ALOX5: variants seen among roughly 807,000 people sequenced by gnomAD.
The protein encoded by ALOX5 is arachidonate 5-lipoxygenase, also known as polyunsaturated fatty acid 5-lipoxygenase.
A neutral mutation model predicts 87.9 loss-of-function variants in ALOX5; 64 were observed. The observed-to-expected ratio is 0.73, with a 90% CI of 0.60 to 0.90. ALOX5 has a LOEUF of 0.90. Among genes scored for constraint, ALOX5 ranks in the 40% least tolerant of loss-of-function variants. The probability of loss-of-function intolerance (pLI) is 0.00; values close to 1 mark genes in which losing one functional copy is unlikely to be tolerated. For synonymous variants in ALOX5, 388 were observed against 355.1 expected (o/e 1.09, Z -1.04); for missense variants, 822 against 907.5 (o/e 0.91, Z 1.21).
intron 3 of ALOX5, 23 bp from the exon 4 acceptor site, chr10:45,412,168 T>A (rs1211962779): frequency 6.2e-7 from 1 of 1,613,960 alleles, no homozygotes; most frequent in Non-Finnish European, 8.5e-7. Context: ...TTAACTCAAT[T>A]TCTTCTCCTT....
chr10:45,391,305 G>A (rs948429897), intron 2 of ALOX5, among the ~76,000 whole-genome samples: 1 of 152,218 alleles, frequency 6.6e-6, no homozygotes, highest in Admixed American at 6.5e-5. Flanking sequence ...GTGTTGGCCA[G>A]GCTGGTCTCC....
At chr10:45,431,149 C>T (rs575901335) in intron 7 of ALOX5, among the ~76,000 whole-genome samples, 36 of 152,224 alleles carry the variant, frequency 2.4e-4, no homozygotes, top group African/African-American at 7.9e-4. Context: ...AATTTAATAA[C>T]ATTTAATAGC....
At chr10:45,383,844 T>A (rs1311429403) in intron 2 of ALOX5, among the ~76,000 whole-genome samples, 1 of 152,184 alleles carries the variant, frequency 6.6e-6, no homozygotes, top group Non-Finnish European at 1.5e-5. Context: ...CAAAGTTCAT[T>A]TATTCCTGTG....
Position 45,443,812 on chromosome 10 carries a change from C to A in ALOX5, c.1658C>A (p.Ala553Glu), listed in dbSNP as rs1323694156. The A allele has an allele frequency of 5.6e-6, 9 of 1,607,436 alleles. No homozygotes were observed. The Admixed American group carries it at 1.5e-4, about 27-fold the overall frequency. Reference sequence around the variant, plus strand: ...TTCACCGCCTCCGCCCAGCACGCCGCGGTCAACTTCGGCCAGGTAGGCAGG... The same window carrying A: ...TTCACCGCCTCCGCCCAGCACGCCGAGGTCAACTTCGGCCAGGTAGGCAGG... The part of the protein sequence containing the change: ...VIFTASAQHA[A>E]VNFGQYDWCS... Residue 553 changes from alanine (A) to glutamate (E), a missense_variant, in exon 12 of 14, where the codon GCG becomes GAG. Transcript: ENST00000374391.
chr10:45,392,397 T>G (rs564510638), intron 2 of ALOX5, among the ~76,000 whole-genome samples: 1 of 151,906 alleles, frequency 6.6e-6, no homozygotes, highest in Non-Finnish European at 1.5e-5. Flanking sequence ...CCTGTTGATC[T>G]ATGACCTTAC....
At chr10:45,405,543 C>T (rs546955814) in intron 3 of ALOX5, among the ~76,000 whole-genome samples, 2 of 152,212 alleles carry the variant, frequency 1.3e-5, no homozygotes, top group South Asian at 4.1e-4. Flanking sequence ...TATTATTTGT[C>T]TTCTGTTGCT....
In ALOX5 at chr10:45,446,017, T is replaced by G. The variant is rs1842436571; in HGVS notation, c.*330T>G. The G allele has an allele frequency of 3.1e-6, 1 of 322,782 alleles. No homozygotes were observed. The highest frequency in any genetic ancestry group is 4.5e-5 in the Admixed American group (1 of 22,406). 20.0% of individuals were successfully genotyped at this position (322,782 alleles called of 1,614,324 possible). ...TGGGATGATTATTTTCTGTTCTATTTGTGCTTAGTCCAATTCCTTGCACAT... is the reference window on the plus strand; with the variant it reads ...TGGGATGATTATTTTCTGTTCTATTGGTGCTTAGTCCAATTCCTTGCACAT... On this transcript the variant is annotated 3_prime_UTR_variant, in exon 14 of 14. Coordinates refer to ENST00000374391, the MANE Select transcript of ALOX5 (RefSeq NM_000698.5).
At chr10:45,392,084 G>C (rs558420441) in intron 2 of ALOX5, among the ~76,000 whole-genome samples, 1 of 151,250 alleles carries the variant, frequency 6.6e-6, no homozygotes, top group African/African-American at 2.4e-5. Flanking sequence ...AGAGGGAGGT[G>C]GGGGGGTCAG....
chr10:45,387,144 A>C (rs58461537), intron 2 of ALOX5, among the ~76,000 whole-genome samples: 3,414 of 152,192 alleles, frequency 0.022, 122 homozygotes, highest in African/African-American at 0.078. Context: ...TCTCCATTTT[A>C]CATGTGAGGG....
intron 8 of ALOX5, 128 bp downstream of exon 8, chr10:45,440,761 G>T: frequency 9.7e-7 from 1 of 1,035,478 alleles, no homozygotes; most frequent in South Asian, 1.6e-5. Context: ...CTGGAGAGAT[G>T]TTCTCAGAGT....
Position 45,440,577 on chromosome 10 carries a change from G to A in ALOX5, c.1129G>A (p.Glu377Lys), listed in dbSNP as rs767260151. The A allele has an allele frequency of 6.2e-7, 1 of 1,614,164 alleles. No individual in the cohort carries two copies. Among genetic ancestry groups the A allele is most frequent in the Non-Finnish European group, 8.5e-7 (1 of 1,180,042 alleles). Residue 377 changes from glutamate to lysine, a missense_variant, in exon 8 of 14, where the codon GAG (glutamate) becomes AAG (lysine). Transcript: ENST00000374391. ...CCTTCTGCGAACACATCTGGTGTCT[G>A]AGGTTTTTGGCATTGCAATGTACCG... ...THLLRTHLVSEVFGIAMYRQL... is the reference protein window; with the variant it reads ...THLLRTHLVSKVFGIAMYRQL...
intron 11 of ALOX5, 85 bp downstream of exon 11, chr10:45,443,622 C>T: frequency 6.3e-7 from 1 of 1,596,730 alleles, no homozygotes; most frequent in Non-Finnish European, 8.5e-7. Context: ...GGTGTCCTGC[C>T]CAGGGTGCCC....
chr10:45,391,085 C>T, intron 2 of ALOX5, among the ~76,000 whole-genome samples: 1 of 134,432 alleles, frequency 7.4e-6, no homozygotes, highest in African/African-American at 2.8e-5. Context: ...CGGTCTCCCT[C>T]TCCCTCTCCC....
At position 45,443,833 on chromosome 10, in the gene ALOX5, G is replaced by A. The variant is rs747046701; in HGVS notation, c.1674+5G>A. 1.1e-5 allele frequency: 17 copies of A among 1,597,460 alleles called. No homozygotes were observed. Among genetic ancestry groups the A allele is most frequent in the Non-Finnish European group, 1.2e-5 (14 of 1,173,002 alleles). ...GCCGCGGTCAACTTCGGCCAGGTAG[G>A]CAGGGCCGGGCCCGCTGGGCAGGGC... is the stretch of plus-strand genomic sequence containing the variant. On this transcript the variant is annotated splice_donor_5th_base_variant and intron_variant, in intron 12 of 13. Coordinates refer to ENST00000374391, the MANE Select transcript of ALOX5 (RefSeq NM_000698.5).
chr10:45,400,285 A>G (rs182107634), intron 3 of ALOX5, among the ~76,000 whole-genome samples: 2 of 152,344 alleles, frequency 1.3e-5, no homozygotes, highest in East Asian at 3.9e-4. Context: ...TATCCATACA[A>G]TGGGATATTT....
chr10:45,418,246 C>A (rs1395099771), intron 4 of ALOX5, among the ~76,000 whole-genome samples: 2 of 152,068 alleles, frequency 1.3e-5, no homozygotes, highest in Admixed American at 1.3e-4. Flanking sequence ...TTAGAGGAGC[C>A]TGTGTGGGGA....
chr10:45,391,337 C>T (rs370390676), intron 2 of ALOX5, among the ~76,000 whole-genome samples: 17 of 152,110 alleles, frequency 1.1e-4, no homozygotes, highest in African/African-American at 1.7e-4. Context: ...GCGAGTGATC[C>T]GCCAGCCTCG....
intron 1 of ALOX5, among the ~76,000 whole-genome samples, chr10:45,376,686 G>A (rs1314792160): frequency 2.0e-5 from 3 of 152,194 alleles, no homozygotes; most frequent in African/African-American, 4.8e-5. Flanking sequence ...GTTATTGGCA[G>A]GTCAACACCC....
intron 3 of ALOX5, among the ~76,000 whole-genome samples, chr10:45,401,610 T>C (rs2132731274): frequency 6.6e-6 from 1 of 152,352 alleles, no homozygotes; most frequent in Admixed American, 6.5e-5. Flanking sequence ...CTAGTTTCTA[T>C]GTACTATTCC....
Sources: gnomAD v4.1 joint callset for allele counts (sites outside exome capture counted in the v4.1 genomes callset) on GRCh38, gnomAD v4.1.1 for gene constraint, MANE v1.5 for transcripts, NCBI Gene and HGNC (gene_info 2026-07-23, HGNC 2026-07-21) for gene names.